The following RNF146 variants were observed in gnomAD, a reference collection of about 807,000 sequenced individuals.
RNF146 encodes the protein ring finger protein 146, also known as E3 ubiquitin-protein ligase RNF146.
RNF146 carries 11 observed loss-of-function variants against 29.7 expected under a neutral mutation model. That is an observed-to-expected ratio of 0.37 (90% CI 0.23 to 0.61). The LOEUF is 0.61. RNF146 is among the 20% of genes least tolerant of loss of function. RNF146 has a pLI of 0.66. For missense variants in RNF146, 342 were observed against 438.9 expected, an observed-to-expected ratio of 0.78 and a Z score of 1.97; for synonymous variants, 150 against 159.7, an observed-to-expected ratio of 0.94 and a Z score of 0.46.
chr6:127,266,979 T>C (rs1250128352), intron 1 of RNF146, 54 bp downstream of exon 1: 3 of 152,084 alleles, frequency 2.0e-5, no homozygotes, highest in African/African-American at 7.3e-5. Flanking sequence ...CCGGCCACTC[T>C]AGGATCCTCA....
rs547409600 is a variant in RNF146, at chr6:127,270,138, T to C, written c.-109+3213T>C. 1.3e-4 allele frequency among the ~76,000 whole-genome samples: 20 copies of C among 152,322 alleles called. No homozygotes were observed. In the South Asian group the frequency reaches 3.9e-3, roughly 30 times the overall value. On this transcript the variant is annotated intron_variant, in intron 1 of 2. Transcript: ENST00000368314. ...AAGTGGGAGTATGAGTATTTTGAGT[T>C]GTTACAAATTATAAATGGTACAATA...
chr6:127,280,196 C>A (rs893649572), intron 1 of RNF146, 35 bp from the exon 2 acceptor site: 4 of 759,410 alleles, frequency 5.3e-6, no homozygotes, highest in Non-Finnish European at 4.3e-6. Context: ...TTAACTGATT[C>A]TCTTGATCTT....
chr6:127,286,615 G>GGAT lies in RNF146; in HGVS notation c.4_6dup (p.Met2dup). The GGAT allele has an allele frequency of 6.3e-7, 1 of 1,598,156 alleles. No individual in the cohort carries two copies. The highest frequency in any genetic ancestry group is 8.5e-7 in the Non-Finnish European group (1 of 1,174,028). On this transcript the variant is annotated splice_region_variant and start_retained_variant. Transcript: ENST00000368314. This position sits in a 1 kb window ranked among gnomAD's most constrained non-coding sequence, Gnocchi z 4.6. ...TTAATATTATATGTATTTTTTCTTA[G>GGAT]GATGGCTGGCTGTGGTGAAATTGAT...
intron 1 of RNF146, among the ~76,000 whole-genome samples, chr6:127,272,443 G>T (rs1457944322): frequency 6.6e-6 from 1 of 152,100 alleles, no homozygotes; most frequent in Non-Finnish European, 1.5e-5. Flanking sequence ...TCTGCACTTT[G>T]AAAAAATTAT....
At chr6:127,285,228 C>A (rs1348855121) in intron 2 of RNF146, 9 of 984,682 alleles carry the variant, frequency 9.1e-6, no homozygotes, top group South Asian at 9.4e-5. Flanking sequence ...TCTTTTTGAG[C>A]CTTGTCTATT....
intron 1 of RNF146, among the ~76,000 whole-genome samples, chr6:127,272,789 C>T (rs957874965): frequency 6.6e-6 from 1 of 152,210 alleles, no homozygotes; most frequent in African/African-American, 2.4e-5. Flanking sequence ...AATTGAAAAT[C>T]TGAGTATAAG....
At chr6:127,280,141 T>C in intron 1 of RNF146, 90 bp from the exon 2 acceptor site, 4 of 549,746 alleles carry the variant, frequency 7.3e-6, no homozygotes, top group Non-Finnish European at 1.3e-5. Flanking sequence ...TTCCCACTTT[T>C]AAGATAAAGT....
intron 1 of RNF146, among the ~76,000 whole-genome samples, chr6:127,273,646 G>C (rs1005271537): frequency 1.6e-4 from 24 of 152,012 alleles, no homozygotes; most frequent in African/African-American, 5.3e-4. Context: ...TGAAAGGTCA[G>C]CTGTATGAGG....
chr6:127,283,222 T>G (rs997030521), intron 2 of RNF146, among the ~76,000 whole-genome samples: 66 of 151,926 alleles, frequency 4.3e-4, no homozygotes, highest in African/African-American at 1.4e-3. Context: ...GAATATCACA[T>G]GAAGAATTCA....
upstream of RNF146, chr6:127,266,743 A>T (rs993067568): frequency 1.3e-5 from 2 of 152,126 alleles, no homozygotes; most frequent in African/African-American, 4.8e-5. Flanking sequence ...GGCGCGAGAC[A>T]GGGGCAGAAC....
intron 2 of RNF146, among the ~76,000 whole-genome samples, chr6:127,282,863 A>G (rs1416756757): frequency 6.6e-6 from 1 of 151,736 alleles, no homozygotes; most frequent in African/African-American, 2.4e-5. Context: ...CCTTGAAATT[A>G]TATGTAGGAT....
intron 2 of RNF146, among the ~76,000 whole-genome samples, chr6:127,281,404 G>A (rs1434470145): frequency 6.6e-6 from 1 of 151,656 alleles, no homozygotes; most frequent in Non-Finnish European, 1.5e-5. Flanking sequence ...TTAACAAACA[G>A]TGGAATAGAT....
At position 127,286,174 on chromosome 6, in the gene RNF146, G is replaced by T; in HGVS notation, c.3-442G>T. ...ACCTGAGCTTTGTAAACTCTGATTTGCAGGTAAGGAAATTTAGACTAATGG... is the reference window on the plus strand; with the variant it reads ...ACCTGAGCTTTGTAAACTCTGATTTTCAGGTAAGGAAATTTAGACTAATGG... On this transcript the variant is annotated intron_variant, in intron 2 of 2. Transcript: ENST00000368314. The surrounding 1 kb of genome is among the most constrained non-coding windows in gnomAD (Gnocchi z 4.6). 1 of 1,230,510 alleles carries T rather than the reference G, an allele frequency of 8.1e-7. No individual in the cohort carries two copies. Among genetic ancestry groups the T allele is most frequent in the Non-Finnish European group, 1.0e-6 (1 of 987,282 alleles). 76.2% of individuals were successfully genotyped at this position (1,230,510 alleles called of 1,614,324 possible). A position where few individuals can be genotyped will look rare whatever the true frequency, so the allele number is the denominator to read the frequency against.
chr6:127,276,877 G>A (rs901111526), intron 1 of RNF146, among the ~76,000 whole-genome samples: 3 of 152,086 alleles, frequency 2.0e-5, no homozygotes, highest in Admixed American at 2.0e-4. Flanking sequence ...TAAAGCATGA[G>A]TACCACCTGG....
chr6:127,269,266 T>A (rs931566567), intron 1 of RNF146, among the ~76,000 whole-genome samples: 33 of 152,338 alleles, frequency 2.2e-4, no homozygotes, highest in African/African-American at 7.9e-4. Context: ...ATTTAGAACT[T>A]AGAATTACAG....
chr6:127,279,263 T>A (rs1007804164), intron 1 of RNF146, among the ~76,000 whole-genome samples: 5 of 151,932 alleles, frequency 3.3e-5, no homozygotes, highest in Non-Finnish European at 4.4e-5. Context: ...TTCTTATATT[T>A]AGGTTATTGA....
At chr6:127,280,674 G>A (rs1009425112) in intron 2 of RNF146, 3 of 558,770 alleles carry the variant, frequency 5.4e-6, no homozygotes, top group Admixed American at 5.8e-5. Flanking sequence ...AGTAGTACTA[G>A]CTTTTGTAAA....
intron 2 of RNF146, among the ~76,000 whole-genome samples, chr6:127,285,706 T>C (rs1779423589): frequency 6.6e-6 from 1 of 151,888 alleles, no homozygotes; most frequent in Admixed American, 6.6e-5. Context: ...CTGCCTGGAA[T>C]CTGCTCCACT....
In RNF146 at chr6:127,287,985, T is replaced by G. The variant is rs879116075; in HGVS notation, c.*292T>G. Reference sequence around the variant, plus strand: ...TCTGTAGTTCTTTTGGCCAGTGTGTTTGTATTATCTGTGCATTAATGGTCC... The same window carrying G: ...TCTGTAGTTCTTTTGGCCAGTGTGTGTGTATTATCTGTGCATTAATGGTCC... On this transcript the variant is annotated 3_prime_UTR_variant, in exon 3 of 3. Coordinates refer to ENST00000368314, the MANE Select transcript of RNF146 (RefSeq NM_001242850.2). 1 of 236,508 alleles carries G rather than the reference T, an allele frequency of 4.2e-6. No individual in the cohort carries two copies. Among genetic ancestry groups the G allele is most frequent in the African/African-American group, 2.3e-5 (1 of 43,544 alleles). 14.7% of individuals were successfully genotyped at this position (236,508 alleles called of 1,614,324 possible).
Sources: allele counts gnomAD v4.1 joint callset (sites outside exome capture counted in the v4.1 genomes callset), GRCh38; gene constraint gnomAD v4.1.1; non-coding constraint Gnocchi (gnomAD v3.1); transcripts MANE v1.5; gene names NCBI Gene and HGNC (gene_info 2026-07-23, HGNC 2026-07-21).